RAB38: variants seen among roughly 807,000 people sequenced by gnomAD.
RAB38 encodes RAB38, member RAS oncogene family, also known as ras-related protein Rab-38.
RAB38 carries 15 observed loss-of-function variants against 18.4 expected under a neutral mutation model. The observed-to-expected ratio is 0.82, with a 90% CI of 0.55 to 1.26. RAB38 has a LOEUF of 1.26. RAB38 is among the 50% of genes most tolerant of loss of function. The pLI is 0.00. For missense variants in RAB38, 294 were observed against 267.4 expected (o/e 1.10, Z -0.69); for synonymous variants, 101 against 104.4 (o/e 0.97, Z 0.20).
At chr11:88,008,132 G>C in the RAB38 span, among the ~76,000 whole-genome samples, 3 of 152,080 alleles carry the variant, frequency 2.0e-5, no homozygotes, top group South Asian at 2.1e-4. Flanking sequence ...TCTATGTTGT[G>C]ATCAGGATGT....
At chr11:87,848,779 G>A in the RAB38 span, among the ~76,000 whole-genome samples, 1 of 152,046 alleles carries the variant, frequency 6.6e-6, no homozygotes. Context: ...ATTTTAAAAA[G>A]CTGAGACTTA....
the RAB38 span, among the ~76,000 whole-genome samples, chr11:87,947,151 G>A: frequency 1.3e-5 from 2 of 152,124 alleles, no homozygotes; most frequent in Non-Finnish European, 2.9e-5. Context: ...GTGATGATGA[G>A]TATTTTTTCA....
At chr11:87,804,237 A>G in the RAB38 span, among the ~76,000 whole-genome samples, 1 of 151,630 alleles carries the variant, frequency 6.6e-6, no homozygotes, top group African/African-American at 2.4e-5. Flanking sequence ...TTTACTTTCT[A>G]CCTCTCTCCA....
chr11:87,955,653 T>G, the RAB38 span, among the ~76,000 whole-genome samples: 23 of 151,838 alleles, frequency 1.5e-4, no homozygotes, highest in African/African-American at 5.5e-4. Flanking sequence ...CATTTAGCTC[T>G]TATATCTATC....
intron 2 of RAB38, among the ~76,000 whole-genome samples, chr11:88,124,415 A>C (rs1174533603): frequency 1.3e-5 from 2 of 152,214 alleles, no homozygotes; most frequent in East Asian, 3.8e-4. Flanking sequence ...AAGAACTCAA[A>C]CAAATTTACA....
chr11:88,146,137 G>A (rs546088769), intron 2 of RAB38, among the ~76,000 whole-genome samples: 3 of 152,268 alleles, frequency 2.0e-5, no homozygotes, highest in African/African-American at 7.2e-5. Flanking sequence ...AGCAACAGCA[G>A]TAGTCATGAA....
chr11:88,064,200 G>C, the RAB38 span, among the ~76,000 whole-genome samples: 1 of 152,162 alleles, frequency 6.6e-6, no homozygotes, highest in Non-Finnish European at 1.5e-5. Context: ...ATGTGTTCAA[G>C]GTATGAGAGA....
At chr11:88,098,845 A>G in the RAB38 span, 1 of 151,992 alleles carries the variant, frequency 6.6e-6, no homozygotes, top group African/African-American at 2.4e-5. Context: ...CTCCAGGTAC[A>G]GAAAAACCAA....
chr11:87,861,281 A>G, the RAB38 span, among the ~76,000 whole-genome samples: 1 of 151,904 alleles, frequency 6.6e-6, no homozygotes, highest in Non-Finnish European at 1.5e-5. Flanking sequence ...GTTCCGACTG[A>G]AAAATTAAAG....
the RAB38 span, among the ~76,000 whole-genome samples, chr11:88,039,419 C>T: frequency 1.3e-5 from 2 of 151,874 alleles, no homozygotes; most frequent in East Asian, 3.9e-4. Flanking sequence ...CAGAGATTTG[C>T]TTAACAGGTT....
the RAB38 span, among the ~76,000 whole-genome samples, chr11:87,848,365 C>G: frequency 6.0e-5 from 9 of 151,154 alleles, no homozygotes; most frequent in Non-Finnish European, 1.2e-4. Context: ...CCTTCCAGGT[C>G]TAATGATTTA....
At chr11:88,174,941 G>T (rs933691092) in intron 1 of RAB38, among the ~76,000 whole-genome samples, 1 of 152,242 alleles carries the variant, frequency 6.6e-6, no homozygotes, top group Non-Finnish European at 1.5e-5. Flanking sequence ...GCCTGCTCTG[G>T]GCAGAGAGAT....
At chr11:88,084,975 C>A in the RAB38 span, among the ~76,000 whole-genome samples, 6 of 151,686 alleles carry the variant, frequency 4.0e-5, no homozygotes, top group African/African-American at 1.5e-4. Flanking sequence ...TTATTCTGGG[C>A]CTGATAGAAA....
chr11:87,965,600 GT>G, the RAB38 span, among the ~76,000 whole-genome samples: 3 of 152,094 alleles, frequency 2.0e-5, no homozygotes, highest in African/African-American at 7.2e-5. Flanking sequence ...GTGAAAGAAA[GT>G]TTTTACCAAG....
At chr11:88,008,836 G>C in the RAB38 span, among the ~76,000 whole-genome samples, 1 of 152,122 alleles carries the variant, frequency 6.6e-6, no homozygotes, top group African/African-American at 2.4e-5. Flanking sequence ...ACCACGCCCG[G>C]CTAATTTTTG....
intron 2 of RAB38, among the ~76,000 whole-genome samples, chr11:88,143,146 G>A (rs1262090093): frequency 1.3e-5 from 2 of 152,156 alleles, no homozygotes; most frequent in Admixed American, 6.5e-5. Flanking sequence ...TTGACATACC[G>A]CAATGAGATC....
At chr11:88,127,865 T>A (rs1942719599) in intron 2 of RAB38, among the ~76,000 whole-genome samples, 1 of 152,180 alleles carries the variant, frequency 6.6e-6, no homozygotes, top group Non-Finnish European at 1.5e-5. Context: ...ACATGTACAA[T>A]TACTTTTTAA....
At chr11:87,896,054 T>C in the RAB38 span, among the ~76,000 whole-genome samples, 1 of 151,698 alleles carries the variant, frequency 6.6e-6, no homozygotes, top group African/African-American at 2.4e-5. Flanking sequence ...TGGATAGATA[T>C]CATGTAATCA....
the RAB38 span, among the ~76,000 whole-genome samples, chr11:87,807,065 G>A: frequency 9.0e-4 from 137 of 152,224 alleles, no homozygotes; most frequent in East Asian, 6.4e-3. Flanking sequence ...ATAGGAGCGC[G>A]AACTCTATTG....
Sources: allele counts gnomAD v4.1 joint callset (sites outside exome capture counted in the v4.1 genomes callset), GRCh38; gene constraint gnomAD v4.1.1; transcripts MANE v1.5; gene names NCBI Gene and HGNC (gene_info 2026-07-23, HGNC 2026-07-21).